DIAPH3: variants seen among roughly 807,000 people sequenced by gnomAD.
DIAPH3 encodes protein diaphanous homolog 3.
A neutral mutation model predicts 144.3 loss-of-function variants in DIAPH3; 117 were observed. The ratio of observed to expected loss-of-function variants is 0.81; its 90% CI spans 0.70 to 0.95. The LOEUF (loss-of-function observed/expected upper bound fraction) is 0.95, where lower values mean the gene tolerates loss of function less well. DIAPH3 is among the 40% of genes least tolerant of loss of function. DIAPH3 has a pLI of 0.00. For synonymous variants in DIAPH3, 519 were observed against 488.9 expected, an observed-to-expected ratio of 1.06 and a Z score of -0.81; for missense variants, 1,421 against 1,412.7, an observed-to-expected ratio of 1.01 and a Z score of -0.09.
chr13:60,104,981 A>G (rs1008988487), intron 3 of DIAPH3, among the ~76,000 whole-genome samples: 26 of 151,804 alleles, frequency 1.7e-4, no homozygotes, highest in African/African-American at 6.3e-4. Context: ...CTGTAGTCCC[A>G]GCTACTCGGG....
In DIAPH3 at chr13:60,140,665, T is replaced by A. The variant is rs541880973; in HGVS notation, c.181-7676A>T. Among the ~76,000 whole-genome samples, 16 of 152,298 alleles carry A rather than the reference T, an allele frequency of 1.1e-4. 1 individual carries two copies. The South Asian group carries it at 3.1e-3, about 30-fold the overall frequency. ...TGTGGGTTTTTTTCATATCTTCATG[T>A]ATTTTCCCAGTTGTCTCAATAAGCA... is the stretch of plus-strand genomic sequence containing the variant. On this transcript the variant is annotated intron_variant, in intron 1 of 27. Transcript: ENST00000400324.
rs183600052 is a variant in DIAPH3 at position 59,693,230 on chromosome 13, C to T, written c.3320-26384G>A. On this transcript the variant is annotated intron_variant, in intron 27 of 27. Coordinates refer to ENST00000400324, the MANE Select transcript of DIAPH3 (RefSeq NM_001042517.2). Reference sequence around the variant, plus strand: ...AAAGAGAAGAGTGACTGGACTGAGACGGAAGAGGTAGCCTGGGCCTGTGGG... The same window carrying T: ...AAAGAGAAGAGTGACTGGACTGAGATGGAAGAGGTAGCCTGGGCCTGTGGG... Among the ~76,000 whole-genome samples, 673 of 152,166 alleles carry T rather than the reference C, an allele frequency of 4.4e-3. 6 individuals carry two copies. Among genetic ancestry groups the T allele is most frequent in the African/African-American group, 0.014 (590 of 41,524 alleles).
intron 20 of DIAPH3, among the ~76,000 whole-genome samples, chr13:59,898,671 T>C (rs938912774): frequency 1.3e-5 from 2 of 152,224 alleles, no homozygotes; most frequent in Admixed American, 1.3e-4. Flanking sequence ...GAATGATTCC[T>C]GCCACCATAG....
At chr13:59,918,041 ATGAATT>A (rs2047315254) in intron 18 of DIAPH3, among the ~76,000 whole-genome samples, 1 of 151,780 alleles carries the variant, frequency 6.6e-6, no homozygotes, top group Non-Finnish European at 1.5e-5. Context: ...TCACAGAAAC[ATGAATT>A]TGAACTAGCC....
chr13:59,873,687 T>C (rs2044421215), intron 21 of DIAPH3, among the ~76,000 whole-genome samples: 1 of 151,480 alleles, frequency 6.6e-6, no homozygotes, highest in Non-Finnish European at 1.5e-5. Context: ...CTTTTTTTTT[T>C]TTTTTTTTCA....
At position 59,969,992 on chromosome 13, in the gene DIAPH3, C is replaced by G; in HGVS notation, c.2026G>C (p.Val676Leu). The change falls in exon 17 of 28, where the codon GTG (valine) becomes CTG (leucine). Residue 676 changes from valine (V) to leucine (L), a missense_variant. Physicochemically the swap from Val to Leu is conservative, Grantham distance 32. Transcript: ENST00000400324. ...IKVNENKYEN[V>L]DLLCKLENTF... The stretch of plus-strand genomic sequence containing the variant: ...TTCTCAAGTTTACAAAGCAAATCCA[C>G]GTTTTCATACTTATTTTCATTTACT... 6.2e-7 allele frequency: 1 copy of G among 1,609,814 alleles called. No homozygotes were observed. The highest frequency in any genetic ancestry group is 8.5e-7 in the Non-Finnish European group (1 of 1,177,572).
intron 27 of DIAPH3, among the ~76,000 whole-genome samples, chr13:59,719,481 C>G (rs1198230274): frequency 3.3e-5 from 5 of 152,078 alleles, no homozygotes; most frequent in African/African-American, 7.2e-5. Flanking sequence ...TTAAATGAAG[C>G]CTGCCTTTGG....
intron 24 of DIAPH3, among the ~76,000 whole-genome samples, chr13:59,827,563 TG>T (rs1285960887): frequency 6.6e-6 from 1 of 152,030 alleles, no homozygotes; most frequent in Non-Finnish European, 1.5e-5. Context: ...ATAAGAGTGT[TG>T]TACTTTGCTA....
chr13:60,092,909 A>G (rs2057997267), intron 4 of DIAPH3, among the ~76,000 whole-genome samples: 1 of 152,232 alleles, frequency 6.6e-6, no homozygotes, highest in African/African-American at 2.4e-5. Context: ...CTTTTTCCTA[A>G]TCCAATTCTG....
chr13:60,005,567 G>A (rs555469905), intron 9 of DIAPH3, among the ~76,000 whole-genome samples: 4 of 152,078 alleles, frequency 2.6e-5, no homozygotes, highest in Non-Finnish European at 5.9e-5. Context: ...TGAAAGCTCC[G>A]CCTCCTGGGT....
chr13:59,834,153 C>T (rs187744290), intron 23 of DIAPH3, among the ~76,000 whole-genome samples: 11 of 151,834 alleles, frequency 7.2e-5, no homozygotes, highest in Admixed American at 1.3e-4. Flanking sequence ...GTGACAGCCA[C>T]TGACATTAGA....
intron 27 of DIAPH3, among the ~76,000 whole-genome samples, chr13:59,694,826 A>G (rs1440461618): frequency 6.6e-6 from 1 of 152,158 alleles, no homozygotes; most frequent in Non-Finnish European, 1.5e-5. Context: ...AGGGCCCTAA[A>G]ATATAAATAT....
At chr13:59,831,720 C>T (rs1292098576) in intron 24 of DIAPH3, among the ~76,000 whole-genome samples, 1 of 151,776 alleles carries the variant, frequency 6.6e-6, no homozygotes, top group Non-Finnish European at 1.5e-5. Context: ...ATAAAACGCC[C>T]TTATCAGGCA....
chr13:59,744,225 A>G (rs749432035), intron 27 of DIAPH3, among the ~76,000 whole-genome samples: 2 of 152,246 alleles, frequency 1.3e-5, no homozygotes, highest in African/African-American at 2.4e-5. Flanking sequence ...CTGATACCAG[A>G]TGATGACATG....
Position 59,666,700 on chromosome 13 carries a change from C to G in DIAPH3, c.3466G>C (p.Glu1156Gln). Residue 1156 changes from glutamate (E) to glutamine (Q), a missense_variant, in exon 28 of 28, where the codon GAA (glutamate) becomes CAA (glutamine). Glu to Gln is a conservative substitution (Grantham distance 29, BLOSUM62 2). Transcript: ENST00000400324. Reference sequence around the variant, plus strand: ...CTGTTGCTTTCTACATTACACGCTTCCTTCTTCTCAGCTGCCTTGATCCTC... The same window carrying G: ...CTGTTGCTTTCTACATTACACGCTTGCTTCTTCTCAGCTGCCTTGATCCTC... ...TGRIKAAEKK[E>Q]ACNVESNRKK... The G allele has an allele frequency of 6.2e-7, 1 of 1,614,104 alleles. No individual in the cohort carries two copies. The highest frequency in any genetic ancestry group is 8.5e-7 in the Non-Finnish European group (1 of 1,180,000).
chr13:59,715,638 CAG>C (rs1229221808), intron 27 of DIAPH3, among the ~76,000 whole-genome samples: 1 of 151,940 alleles, frequency 6.6e-6, no homozygotes, highest in Non-Finnish European at 1.5e-5. Context: ...TTCCCCTGTT[CAG>C]AGGGGAGAGG....
At chr13:60,160,944 C>A (rs1952262868) in intron 1 of DIAPH3, among the ~76,000 whole-genome samples, 1 of 152,206 alleles carries the variant, frequency 6.6e-6, no homozygotes, top group Non-Finnish European at 1.5e-5. Context: ...AAGCCCGCAA[C>A]TATACATTTG....
chr13:60,017,229 C>T, intron 5 of DIAPH3, among the ~76,000 whole-genome samples: 1 of 151,818 alleles, frequency 6.6e-6, no homozygotes, highest in South Asian at 2.1e-4. Context: ...CATGGTGAAA[C>T]CCCATCTCTA....
intron 4 of DIAPH3, among the ~76,000 whole-genome samples, chr13:60,079,942 T>TA (rs1306862725): frequency 6.6e-6 from 1 of 151,928 alleles, no homozygotes; most frequent in Non-Finnish European, 1.5e-5. Context: ...ACTTTAAACC[T>TA]AGCCCCTATT....
Sources: allele counts gnomAD v4.1 joint callset (sites outside exome capture counted in the v4.1 genomes callset), GRCh38; gene constraint gnomAD v4.1.1; transcripts MANE v1.5; gene names NCBI Gene and HGNC (gene_info 2026-07-23, HGNC 2026-07-21).